The following SPRED1 variants were observed in gnomAD, a reference collection of about 807,000 sequenced individuals.
SPRED1 encodes sprouty related EVH1 domain containing 1, also known as sprouty-related, EVH1 domain-containing protein 1.
A neutral mutation model predicts 52.3 loss-of-function variants in SPRED1; 18 were observed. The ratio of observed to expected loss-of-function variants is 0.34; its 90% CI spans 0.24 to 0.51. The LOEUF (loss-of-function observed/expected upper bound fraction) is 0.51. Ranked by LOEUF, SPRED1 falls within the 20% of genes least tolerant of loss-of-function variation. SPRED1 has a pLI of 0.97. For missense variants in SPRED1, 485 were observed against 551.0 expected (o/e 0.88, Z 1.20); for synonymous variants, 155 against 179.7 (o/e 0.86, Z 1.10).
chr15:38,285,651 T>G (rs555055678), intron 1 of SPRED1, among the ~76,000 whole-genome samples: 1 of 152,088 alleles, frequency 6.6e-6, no homozygotes, highest in Admixed American at 6.6e-5. Context: ...TTTTGTAGGG[T>G]CTTTAGAGTT....
chr15:38,322,908 T>C (rs1895633621), intron 3 of SPRED1, among the ~76,000 whole-genome samples: 1 of 152,158 alleles, frequency 6.6e-6, no homozygotes, highest in Non-Finnish European at 1.5e-5. Context: ...ATTCCTTTGT[T>C]ATCTTGCCAG....
chr15:38,278,596 A>C (rs1377858986), intron 1 of SPRED1, among the ~76,000 whole-genome samples: 1 of 152,180 alleles, frequency 6.6e-6, no homozygotes, highest in East Asian at 1.9e-4. Flanking sequence ...CCCCTGACCA[A>C]ATACCAGAAT....
At chr15:38,300,872 T>C (rs1160594944) in intron 2 of SPRED1, among the ~76,000 whole-genome samples, 1 of 152,158 alleles carries the variant, frequency 6.6e-6, no homozygotes, top group Non-Finnish European at 1.5e-5. Context: ...GCGCCTATGA[T>C]GGTATAATGC....
intron 1 of SPRED1, among the ~76,000 whole-genome samples, chr15:38,270,369 G>A (rs1468452468): frequency 6.6e-6 from 1 of 152,240 alleles, no homozygotes; most frequent in Non-Finnish European, 1.5e-5. Context: ...CCACTGGTAT[G>A]TAAGATAATT....
At chr15:38,291,881 A>G (rs373879522) in intron 1 of SPRED1, among the ~76,000 whole-genome samples, 106 of 152,326 alleles carry the variant, frequency 7.0e-4, no homozygotes, top group African/African-American at 2.4e-3. Context: ...TGTTTTCTCC[A>G]TGGTCTTGGG....
At chr15:38,304,512 T>C (rs1566861344) in intron 2 of SPRED1, among the ~76,000 whole-genome samples, 1 of 152,192 alleles carries the variant, frequency 6.6e-6, no homozygotes, top group Non-Finnish European at 1.5e-5. Context: ...TACAAGTTAT[T>C]AGTCTATCAC....
intron 2 of SPRED1, among the ~76,000 whole-genome samples, chr15:38,311,903 AT>A (rs976175115): frequency 6.6e-6 from 1 of 151,304 alleles, no homozygotes; most frequent in African/African-American, 2.4e-5. Context: ...TTCTGTTGTC[AT>A]TTTCTTTTTG....
chr15:38,343,446 G>A (rs1174601828), intron 5 of SPRED1, among the ~76,000 whole-genome samples: 1 of 152,124 alleles, frequency 6.6e-6, no homozygotes, highest in African/African-American at 2.4e-5. Context: ...CATGAGAAAA[G>A]ATAAAATTAC....
intron 2 of SPRED1, 131 bp downstream of exon 2, chr15:38,299,678 T>A: frequency 1.0e-6 from 1 of 955,832 alleles, no homozygotes; most frequent in Non-Finnish European, 1.6e-6. Flanking sequence ...GTTTCTGTGT[T>A]AAAGGCAGTG....
chr15:38,276,987 G>A (rs1039232861), intron 1 of SPRED1, among the ~76,000 whole-genome samples: 1 of 152,064 alleles, frequency 6.6e-6, no homozygotes, highest in Admixed American at 6.5e-5. Flanking sequence ...GCTAATGCTT[G>A]GTGTGCATTT....
intron 4 of SPRED1, among the ~76,000 whole-genome samples, chr15:38,332,807 A>G (rs1895831242): frequency 1.3e-5 from 2 of 152,196 alleles, no homozygotes; most frequent in African/African-American, 2.4e-5. Context: ...TAGCTGCTAC[A>G]GCAAAATGCC....
chr15:38,345,908 A>G (rs753906766), intron 5 of SPRED1, among the ~76,000 whole-genome samples: 1 of 152,188 alleles, frequency 6.6e-6, no homozygotes, highest in Non-Finnish European at 1.5e-5. Flanking sequence ...CCGATAGTGC[A>G]TATGTTCACT....
intron 1 of SPRED1, among the ~76,000 whole-genome samples, chr15:38,277,952 T>C (rs189060390): frequency 1.3e-5 from 2 of 152,146 alleles, no homozygotes; most frequent in African/African-American, 4.8e-5. Context: ...TACTTTTTAA[T>C]GGGGATATTT....
At chr15:38,272,348 A>G (rs8038659) in intron 1 of SPRED1, among the ~76,000 whole-genome samples, 122,945 of 149,170 alleles carry the variant, frequency 0.82, 51,443 homozygotes, top group Non-Finnish European at 0.9. Flanking sequence ...GGCTCACTGC[A>G]ACTTCTGCCT....
chr15:38,325,408 A>G (rs1895694455), intron 4 of SPRED1, among the ~76,000 whole-genome samples: 5 of 152,162 alleles, frequency 3.3e-5, no homozygotes, highest in Admixed American at 3.3e-4. Context: ...AGCATTTCAG[A>G]TAAGAGATAT....
At position 38,352,020 on chromosome 15, in the gene SPRED1, C is replaced by A; in HGVS notation, c.*356C>A. On this transcript the variant is annotated 3_prime_UTR_variant, in exon 7 of 7. Transcript: ENST00000299084. The stretch of plus-strand genomic sequence containing the variant: ...TTTTAAAGGTTTGAATTTATTAGGA[C>A]ACGAACTAAAAATAAAAGTGCACTA... 3.9e-6 allele frequency: 1 copy of A among 256,342 alleles called. No individual in the cohort carries two copies. Among genetic ancestry groups the A allele is most frequent in the Non-Finnish European group, 7.5e-6 (1 of 133,190 alleles). The allele number at this position is 256,342 out of a possible 1,614,324, so 15.9% of individuals were successfully genotyped here. A position where few individuals can be genotyped will look rare whatever the true frequency, so the allele number is the denominator to read the frequency against.
At chr15:38,258,408 T>C (rs887485182) in intron 1 of SPRED1, among the ~76,000 whole-genome samples, 2 of 152,222 alleles carry the variant, frequency 1.3e-5, no homozygotes, top group African/African-American at 4.8e-5. Context: ...GTGTATGATA[T>C]ACATTAGTTG....
At position 38,294,671 on chromosome 15, in the gene SPRED1, G is replaced by T. The variant is rs1020722266; in HGVS notation, c.33-4702G>T. Among the ~76,000 whole-genome samples, 9 of 152,244 alleles carry T rather than the reference G, an allele frequency of 5.9e-5. No individual in the cohort carries two copies. In the East Asian group the frequency reaches 1.5e-3, roughly 26 times the overall value. ...TTTATTTTAGAAAAGTTAAGCTTAA[G>T]AACAGTCGACCAAAACAATATAAAT... On this transcript the variant is annotated intron_variant, in intron 1 of 6. Transcript: ENST00000299084.
At chr15:38,290,645 C>T (rs1050154836) in intron 1 of SPRED1, among the ~76,000 whole-genome samples, 65 of 152,030 alleles carry the variant, frequency 4.3e-4, no homozygotes, top group African/African-American at 1.4e-3. Flanking sequence ...TGGCGGGAGG[C>T]GAAAGGCATT....
Sources: gnomAD v4.1 joint callset for allele counts (sites outside exome capture counted in the v4.1 genomes callset) on GRCh38, gnomAD v4.1.1 for gene constraint, MANE v1.5 for transcripts, NCBI Gene and HGNC (gene_info 2026-07-23, HGNC 2026-07-21) for gene names.